The following BCL7B variants were observed in gnomAD, a reference collection of about 807,000 sequenced individuals.
BCL7B encodes the protein BAF chromatin remodeling complex subunit BCL7B.
In BCL7B, 11 loss-of-function variants were observed where a neutral mutation model predicts 26.5. The ratio of observed to expected loss-of-function variants is 0.42; its 90% CI spans 0.26 to 0.69. The LOEUF is 0.69. Ranked by LOEUF, BCL7B falls within the 30% of genes least tolerant of loss-of-function variation. The pLI is 0.28. For synonymous variants in BCL7B, 111 were observed against 107.9 expected (o/e 1.03, Z -0.18); for missense variants, 215 against 264.4 (o/e 0.81, Z 1.30).
intron 2 of BCL7B, among the ~76,000 whole-genome samples, chr7:73,551,326 G>A (rs1355291324): frequency 1.3e-5 from 2 of 152,140 alleles, no homozygotes; most frequent in African/African-American, 4.8e-5. Context: ...TCGAGATGGT[G>A]TGTCACACTG....
intron 2 of BCL7B, among the ~76,000 whole-genome samples, chr7:73,548,326 G>A (rs781893080): frequency 1.3e-5 from 2 of 152,104 alleles, no homozygotes; most frequent in Non-Finnish European, 2.9e-5. Flanking sequence ...TACTCTGGAG[G>A]CTGAGGCAGG....
At chr7:73,557,368 T>C (rs1416404430) in intron 1 of BCL7B, 119 bp downstream of exon 1, 74 of 1,181,382 alleles carry the variant, frequency 6.3e-5, no homozygotes, top group Non-Finnish European at 7.8e-5. Context: ...CCTCCCGCCT[T>C]CTCCCGCACC....
intron 2 of BCL7B, among the ~76,000 whole-genome samples, chr7:73,551,583 C>T (rs950812071): frequency 6.6e-5 from 10 of 151,610 alleles, no homozygotes; most frequent in African/African-American, 2.2e-4. Context: ...GGATTACAGG[C>T]GTGAGCCACC....
At chr7:73,537,541 C>T (rs782019914) in intron 5 of BCL7B, 151 bp from the exon 6 acceptor site, 13 of 626,024 alleles carry the variant, frequency 2.1e-5, no homozygotes, top group Non-Finnish European at 2.8e-5. Flanking sequence ...TCATTTCCGG[C>T]GCTGCAGATC....
At chr7:73,553,810 C>T (rs1554584442) in intron 1 of BCL7B, 1 of 154,390 alleles carries the variant, frequency 6.5e-6, no homozygotes, top group African/African-American at 2.4e-5. Context: ...ACTACGCTCA[C>T]GAAATAAGCA....
At chr7:73,544,418 AC>A in intron 2 of BCL7B, among the ~76,000 whole-genome samples, 1 of 151,890 alleles carries the variant, frequency 6.6e-6, no homozygotes, top group Non-Finnish European at 1.5e-5. Flanking sequence ...ATCTAAAAAA[AC>A]ATAAAATAAA....
At chr7:73,547,189 G>A (rs1791988079) in intron 2 of BCL7B, among the ~76,000 whole-genome samples, 1 of 152,144 alleles carries the variant, frequency 6.6e-6, no homozygotes, top group African/African-American at 2.4e-5. Flanking sequence ...CTGCGTGGGT[G>A]CAGTGGCTCA....
chr7:73,550,523 G>A (rs112098281), intron 2 of BCL7B, among the ~76,000 whole-genome samples: 26 of 151,548 alleles, frequency 1.7e-4, no homozygotes, highest in African/African-American at 5.8e-4. Flanking sequence ...CCAGCCTGGC[G>A]ACAGAGCGAG....
At chr7:73,549,553 A>G (rs1554583856) in intron 2 of BCL7B, among the ~76,000 whole-genome samples, 2 of 152,174 alleles carry the variant, frequency 1.3e-5, no homozygotes, top group African/African-American at 4.8e-5. Flanking sequence ...TCATGCCTAA[A>G]ATCCCACCAC....
chr7:73,557,229 G>T, intron 1 of BCL7B: 1 of 1,075,724 alleles, frequency 9.3e-7, no homozygotes, highest in Non-Finnish European at 1.1e-6. Flanking sequence ...CGGGCCGGAA[G>T]CCGGAATCCC....
At chr7:73,549,791 C>G (rs1469312445) in intron 2 of BCL7B, among the ~76,000 whole-genome samples, 1 of 152,182 alleles carries the variant, frequency 6.6e-6, no homozygotes, top group Non-Finnish European at 1.5e-5. Context: ...GATCATGACA[C>G]TGCACTCCAG....
intron 1 of BCL7B, 111 bp downstream of exon 1, chr7:73,557,376 A>AC (rs1243546466): frequency 8.9e-6 from 9 of 1,006,624 alleles, no homozygotes; most frequent in Non-Finnish European, 9.6e-6. Context: ...CTTCTCCCGC[A>AC]CCCCCCTCCC....
At chr7:73,542,387 A>G (rs1460774887) in intron 3 of BCL7B, among the ~76,000 whole-genome samples, 1 of 152,198 alleles carries the variant, frequency 6.6e-6, no homozygotes, top group Admixed American at 6.6e-5. Context: ...ACGCTGGGTT[A>G]GCTCCAATCT....
At chr7:73,551,189 G>A (rs1792154481) in intron 2 of BCL7B, among the ~76,000 whole-genome samples, 1 of 152,274 alleles carries the variant, frequency 6.6e-6, no homozygotes, top group South Asian at 2.1e-4. Context: ...AATATTTTAG[G>A]TTTTACGGGC....
At chr7:73,545,483 A>T (rs1026991059) in intron 2 of BCL7B, among the ~76,000 whole-genome samples, 3 of 152,034 alleles carry the variant, frequency 2.0e-5, no homozygotes, top group Non-Finnish European at 4.4e-5. Context: ...CAGCCTCCCA[A>T]AGTGCTGGGA....
chr7:73,550,727 G>C (rs1037572140), intron 2 of BCL7B, among the ~76,000 whole-genome samples: 1 of 150,638 alleles, frequency 6.6e-6, no homozygotes, highest in African/African-American at 2.4e-5. Flanking sequence ...GTGCGATCTC[G>C]GCTCACTGCA....
At chr7:73,557,300 C>T (rs1283586024) in intron 1 of BCL7B, 187 bp downstream of exon 1, 4 of 1,158,398 alleles carry the variant, frequency 3.5e-6, no homozygotes, top group Non-Finnish European at 4.3e-6. Flanking sequence ...CCGGGAGGAC[C>T]GCTGATTGGC....
intron 1 of BCL7B, among the ~76,000 whole-genome samples, chr7:73,552,747 C>G (rs963725806): frequency 3.8e-4 from 58 of 151,856 alleles, no homozygotes; most frequent in African/African-American, 1.4e-3. Context: ...CGCCACCACA[C>G]TCCAGCCTGG....
rs1791559282 is a variant in BCL7B at position 73,537,083 on chromosome 7, T to C, written c.*215A>G. On this transcript the variant is annotated 3_prime_UTR_variant, in exon 6 of 6. Transcript: ENST00000223368. ...GCCAACTTGGGGTGCAAAAAAGACA[T>C]GAGCGCTCCTCTTCTCGGGAGCAAG... 7 of 457,274 alleles carry C rather than the reference T, an allele frequency of 1.5e-5. No homozygotes were observed. The Middle Eastern group carries it at 2.4e-3, about 155-fold the overall frequency. The allele number at this position is 457,274 out of a possible 1,614,324, so 28.3% of individuals were successfully genotyped here.
Sources: allele counts gnomAD v4.1 joint callset (sites outside exome capture counted in the v4.1 genomes callset), GRCh38; gene constraint gnomAD v4.1.1; transcripts MANE v1.5; gene names NCBI Gene and HGNC (gene_info 2026-07-23, HGNC 2026-07-21).